The following DOCK3 variants were observed in gnomAD, a reference collection of about 807,000 sequenced individuals.
DOCK3 encodes the protein dedicator of cytokinesis 3.
Under a neutral mutation model 265.6 loss-of-function variants are expected in DOCK3, and 60 were observed. The observed-to-expected ratio is 0.23, with a 90% CI of 0.18 to 0.28. The LOEUF (loss-of-function observed/expected upper bound fraction) is 0.28, where lower values mean the gene tolerates loss of function less well. Ranked by LOEUF, DOCK3 falls within the 10% of genes least tolerant of loss-of-function variation. The pLI is 1.00. For missense variants in DOCK3, 1,981 were observed against 2,594.3 expected (o/e 0.76, Z 5.14); for synonymous variants, 881 against 938.0 (o/e 0.94, Z 1.11).
At chr3:50,990,302 G>A (rs7428086) in intron 5 of DOCK3, among the ~76,000 whole-genome samples, 130,070 of 152,102 alleles carry the variant, frequency 0.86, 55,915 homozygotes, top group East Asian at 0.95. Flanking sequence ...AGGAAATACA[G>A]ATAACTCCTG....
At chr3:50,758,843 A>G (rs1287931971) in intron 1 of DOCK3, among the ~76,000 whole-genome samples, 1 of 152,256 alleles carries the variant, frequency 6.6e-6, no homozygotes, top group African/African-American at 2.4e-5. Context: ...TAAGTTGAGG[A>G]TCATCTATAG....
At chr3:51,204,038 G>A (rs1374454577) in intron 12 of DOCK3, among the ~76,000 whole-genome samples, 5 of 149,172 alleles carry the variant, frequency 3.4e-5, no homozygotes, top group Non-Finnish European at 6.0e-5. Context: ...AGACTTAAAC[G>A]TTAGACCTAA....
intron 27 of DOCK3, among the ~76,000 whole-genome samples, chr3:51,291,388 G>A (rs2081763822): frequency 6.6e-6 from 1 of 152,138 alleles, no homozygotes; most frequent in Non-Finnish European, 1.5e-5. Flanking sequence ...AAGCAAAACA[G>A]AAGAGTCAAG....
intron 20 of DOCK3, among the ~76,000 whole-genome samples, chr3:51,237,213 T>C (rs906293930): frequency 1.8e-4 from 27 of 152,304 alleles, no homozygotes; most frequent in African/African-American, 6.3e-4. Context: ...CTGATCTGTA[T>C]TGTACCACCC....
intron 1 of DOCK3, among the ~76,000 whole-genome samples, chr3:50,730,622 G>C (rs1426478807): frequency 2.0e-5 from 3 of 150,302 alleles, no homozygotes; most frequent in African/African-American, 4.9e-5. Flanking sequence ...GAGGCCAAGA[G>C]TTTGAGACCA....
chr3:50,732,233 A>G (rs2038263371), intron 1 of DOCK3, among the ~76,000 whole-genome samples: 1 of 152,074 alleles, frequency 6.6e-6, no homozygotes, highest in African/African-American at 2.4e-5. Context: ...AGGGAGGGGA[A>G]CAACACACAC....
chr3:50,913,147 G>A (rs1400937163), intron 4 of DOCK3, among the ~76,000 whole-genome samples: 4 of 151,990 alleles, frequency 2.6e-5, no homozygotes, highest in African/African-American at 9.7e-5. Flanking sequence ...GTGGCCCGAG[G>A]GCTTTTCAGT....
rs551480482 is a variant in DOCK3 at position 51,217,975 on chromosome 3, G to A, written c.1252+3728G>A. Among the ~76,000 whole-genome samples the A allele has an allele frequency of 9.2e-5, 14 of 151,804 alleles. No homozygotes were observed. In the East Asian group the frequency reaches 1.9e-3, roughly 21 times the overall value. ...TCTACTAAAAATACGAAAATTAGCC[G>A]GGGGTCGTGGTGGGCGCCTGTAATC... On this transcript the variant is annotated intron_variant, in intron 14 of 52. Transcript: ENST00000266037.
At chr3:51,143,341 C>T (rs2085152343) in intron 9 of DOCK3, among the ~76,000 whole-genome samples, 1 of 151,676 alleles carries the variant, frequency 6.6e-6, no homozygotes, top group African/African-American at 2.4e-5. Flanking sequence ...GCGATCTAGG[C>T]CCACTGTAGC....
chr3:50,691,145 G>A (rs1045590425), intron 1 of DOCK3, among the ~76,000 whole-genome samples: 5 of 151,836 alleles, frequency 3.3e-5, no homozygotes, highest in African/African-American at 9.7e-5. Flanking sequence ...TTAGCCAGGT[G>A]TGGTGGCGGG....
chr3:51,199,354 T>C (rs868215153), intron 12 of DOCK3, among the ~76,000 whole-genome samples: 1 of 152,266 alleles, frequency 6.6e-6, no homozygotes, highest in Admixed American at 6.5e-5. Flanking sequence ...GCTTTTCCGA[T>C]GGGCTTAAAA....
At chr3:50,729,351 T>C (rs1195155116) in intron 1 of DOCK3, among the ~76,000 whole-genome samples, 1 of 88,426 alleles carries the variant, frequency 1.1e-5, no homozygotes, top group Non-Finnish European at 2.1e-5. Context: ...TTATTTTTAT[T>C]TTTATTTTAT....
intron 4 of DOCK3, among the ~76,000 whole-genome samples, chr3:50,909,832 C>G (rs1395912207): frequency 6.6e-6 from 1 of 151,826 alleles, no homozygotes; most frequent in African/African-American, 2.4e-5. Flanking sequence ...TAGTTCTGTT[C>G]TCTCCATCTC....
intron 13 of DOCK3, among the ~76,000 whole-genome samples, chr3:51,210,495 A>G (rs538085463): frequency 9.1e-4 from 138 of 152,300 alleles, no homozygotes; most frequent in African/African-American, 3.2e-3. Flanking sequence ...CCCCCTCGTT[A>G]AATAAATGAG....
intron 5 of DOCK3, among the ~76,000 whole-genome samples, chr3:50,985,694 A>G (rs1419690623): frequency 6.6e-6 from 1 of 152,166 alleles, no homozygotes; most frequent in Non-Finnish European, 1.5e-5. Flanking sequence ...TGAGCACCAT[A>G]ACATATGATT....
chr3:51,035,420 A>G (rs1353793868), intron 5 of DOCK3, among the ~76,000 whole-genome samples: 1 of 152,118 alleles, frequency 6.6e-6, no homozygotes, highest in Non-Finnish European at 1.5e-5. Flanking sequence ...AAAATTTCCA[A>G]ATAATTCTTT....
intron 5 of DOCK3, among the ~76,000 whole-genome samples, chr3:50,934,689 T>TCCTA (rs1306178474): frequency 6.6e-6 from 1 of 151,984 alleles, no homozygotes; most frequent in East Asian, 1.9e-4. Flanking sequence ...TGGTGGTGTG[T>TCCTA]GCCTGTAGTC....
intron 2 of DOCK3, among the ~76,000 whole-genome samples, chr3:50,782,377 G>A (rs1300227101): frequency 1.5e-5 from 2 of 135,168 alleles, no homozygotes; most frequent in East Asian, 2.3e-4. Flanking sequence ...TGCAAGCTCC[G>A]CCTCCCGGGT....
intron 5 of DOCK3, among the ~76,000 whole-genome samples, chr3:50,997,398 A>G (rs372707369): frequency 1.3e-5 from 2 of 152,178 alleles, no homozygotes; most frequent in South Asian, 2.1e-4. Flanking sequence ...TAGTGTACAG[A>G]CAAAAGCTTG....
Sources: allele counts gnomAD v4.1 joint callset (sites outside exome capture counted in the v4.1 genomes callset), GRCh38; gene constraint gnomAD v4.1.1; transcripts MANE v1.5; gene names NCBI Gene and HGNC (gene_info 2026-07-23, HGNC 2026-07-21).